The following DAB1 variants were observed in gnomAD, a reference collection of about 807,000 sequenced individuals.
The protein encoded by DAB1 is DAB adaptor protein 1, also known as disabled homolog 1.
DAB1 carries 15 observed loss-of-function variants against 64.6 expected under a neutral mutation model. The ratio of observed to expected loss-of-function variants is 0.23; its 90% confidence interval spans 0.16 to 0.36. The LOEUF is 0.36. DAB1 is among the 10% of genes least tolerant of loss of function. The probability of loss-of-function intolerance (pLI) is 1.00; values close to 1 mark genes in which losing one functional copy is unlikely to be tolerated. For synonymous variants in DAB1, 235 were observed against 251.9 expected, an observed-to-expected ratio of 0.93 and a Z score of 0.64; for missense variants, 596 against 706.7, an observed-to-expected ratio of 0.84 and a Z score of 1.78.
chr1:58,341,814 T>G (rs1033928250), intron 4 of DAB1, among the ~76,000 whole-genome samples: 6 of 152,188 alleles, frequency 3.9e-5, no homozygotes, highest in African/African-American at 1.4e-4. Flanking sequence ...TCTAAGGTGA[T>G]GCGGGCAGAT....
At chr1:58,056,479 A>G in intron 5 of DAB1, 2 of 1,402,906 alleles carry the variant, frequency 1.4e-6, no homozygotes, top group Non-Finnish European at 2.0e-6. Context: ...TTTCTTTGTC[A>G]TCTTGGAGGC....
intron 3 of DAB1, among the ~76,000 whole-genome samples, chr1:57,140,704 G>C (rs1658514133): frequency 6.6e-6 from 1 of 152,164 alleles, no homozygotes; most frequent in Non-Finnish European, 1.5e-5. Flanking sequence ...AGTATGCAGG[G>C]AGGGCTCAGT....
chr1:57,528,503 A>C (rs1644619769), intron 7 of DAB1, among the ~76,000 whole-genome samples: 1 of 151,990 alleles, frequency 6.6e-6, no homozygotes, highest in Non-Finnish European at 1.5e-5. Flanking sequence ...CATTTTCCAA[A>C]TTTGATTTTT....
intron 3 of DAB1, among the ~76,000 whole-genome samples, chr1:58,363,893 T>C (rs1044249050): frequency 1.3e-5 from 2 of 152,222 alleles, no homozygotes; most frequent in Non-Finnish European, 2.9e-5. Context: ...GGAAAGACCC[T>C]GGGGCTTTCC....
intron 5 of DAB1, among the ~76,000 whole-genome samples, chr1:58,112,876 G>A (rs1652059322): frequency 6.6e-6 from 1 of 152,156 alleles, no homozygotes; most frequent in Non-Finnish European, 1.5e-5. Flanking sequence ...CCTCTGGAAG[G>A]CTGTGGGGAC....
chr1:57,439,425 CTTTT>C (rs71051230), intron 7 of DAB1, among the ~76,000 whole-genome samples: 1 of 97,982 alleles, frequency 1.0e-5, no homozygotes, highest in Non-Finnish European at 1.9e-5. Flanking sequence ...GAGGTTTTTT[CTTTT>C]TTTTTTTTTT....
Position 58,180,281 on chromosome 1 carries a change from C to CTTTTTTTTTTTTTTTTTTTTTT in DAB1, n.310-29715_310-29694dup, listed in dbSNP as rs869204611. Among the ~76,000 whole-genome samples, 74 of 61,032 alleles carry CTTTTTTTTTTTTTTTTTTTTTT rather than the reference C, an allele frequency of 1.2e-3. 10 individuals are homozygous for CTTTTTTTTTTTTTTTTTTTTTT. Among genetic ancestry groups the CTTTTTTTTTTTTTTTTTTTTTT allele is most frequent in the East Asian group, 5.3e-3 (10 of 1,892 alleles). The allele number at this position is 61,032 out of a possible 152,430, so 40.0% of individuals were successfully genotyped here. Reference sequence around the variant, plus strand: ...CTTTCTTTTTTCTTTTTTTTCTTTTCTTTTTTTTTTTTTTTTTTTTTTTTT... The same window carrying CTTTTTTTTTTTTTTTTTTTTTT: ...CTTTCTTTTTTCTTTTTTTTCTTTTCTTTTTTTTTTTTTTTTTTTTTTTTTTTTTTTTTTTTTTTTTTTTTTT... On this transcript the variant is annotated intron_variant and non_coding_transcript_variant, in intron 4 of 20. Coordinates refer to the DAB1 transcript ENST00000485760.
intron 4 of DAB1, among the ~76,000 whole-genome samples, chr1:58,150,767 C>T (rs1654881498): frequency 6.6e-6 from 1 of 151,838 alleles, no homozygotes; most frequent in Non-Finnish European, 1.5e-5. Flanking sequence ...TATACATGTG[C>T]CATGTTGGTG....
chr1:58,400,265 T>C (rs900414475), intron 3 of DAB1, among the ~76,000 whole-genome samples: 3 of 151,728 alleles, frequency 2.0e-5, no homozygotes. Context: ...TGAGTTTACA[T>C]CTCCTCTGTG....
At chr1:57,473,841 C>A (rs569123782) in intron 7 of DAB1, among the ~76,000 whole-genome samples, 12 of 152,134 alleles carry the variant, frequency 7.9e-5, no homozygotes, top group Non-Finnish European at 1.2e-4. Context: ...CTACTCATTT[C>A]TATATATTTT....
intron 7 of DAB1, among the ~76,000 whole-genome samples, chr1:57,515,405 T>C (rs1644452215): frequency 6.6e-6 from 1 of 152,216 alleles, no homozygotes; most frequent in Non-Finnish European, 1.5e-5. Flanking sequence ...GAACCAAGAA[T>C]ACAGTTGGTG....
chr1:57,787,337 T>C (rs1370714238), intron 6 of DAB1, among the ~76,000 whole-genome samples: 5 of 152,064 alleles, frequency 3.3e-5, no homozygotes, highest in Non-Finnish European at 7.4e-5. Context: ...AATACATAAA[T>C]GGAACAGAAC....
chr1:58,081,575 T>A lies in DAB1; in HGVS notation n.387+68936A>T, dbSNP rs561540402. On this transcript the variant is annotated intron_variant and non_coding_transcript_variant, in intron 5 of 20. Transcript: ENST00000485760. ...TTCACAACTTCTTAGAAAGAACTGG[T>A]TACATAGTATCCCCAACCACTGTGG... Among the ~76,000 whole-genome samples the A allele has an allele frequency of 5.9e-5, 9 of 152,334 alleles. No homozygotes were observed. The East Asian group carries it at 9.6e-4, about 16-fold the overall frequency.
intron 7 of DAB1, among the ~76,000 whole-genome samples, chr1:57,466,674 G>C (rs981995605): frequency 6.6e-6 from 1 of 152,168 alleles, no homozygotes; most frequent in Non-Finnish European, 1.5e-5. Context: ...TGACGGGGCT[G>C]GGCTCTTAAC....
intron 1 of DAB1, among the ~76,000 whole-genome samples, chr1:57,854,978 A>G (rs1302657080): frequency 6.6e-6 from 1 of 152,208 alleles, no homozygotes; most frequent in African/African-American, 2.4e-5. Flanking sequence ...GGTTTTCCGT[A>G]GTTTTTCTTT....
At chr1:57,465,965 T>A (rs2101192424) in intron 7 of DAB1, among the ~76,000 whole-genome samples, 1 of 152,356 alleles carries the variant, frequency 6.6e-6, no homozygotes. Flanking sequence ...CATGATGCAC[T>A]AAGTTCTGTT....
At chr1:58,288,563 A>G (rs1270529798) in intron 4 of DAB1, among the ~76,000 whole-genome samples, 1 of 152,212 alleles carries the variant, frequency 6.6e-6, no homozygotes, top group Non-Finnish European at 1.5e-5. Flanking sequence ...TCTCCCAGCC[A>G]TATGTACACA....
rs532928238 is a variant in DAB1, at chr1:58,432,021, G to C, written n.257+74039C>G. 2.0e-5 allele frequency among the ~76,000 whole-genome samples: 3 copies of C among 152,298 alleles called. No individual in the cohort carries two copies. In the South Asian group the frequency reaches 6.2e-4, roughly 32 times the overall value. On this transcript the variant is annotated intron_variant and non_coding_transcript_variant, in intron 3 of 20. Transcript: ENST00000485760. ...TCAGAAGCTCTGGAGCGATGGGTTT[G>C]GAACAAATGTGGAAGGGCCTGGACT... is the stretch of plus-strand genomic sequence containing the variant.
At chr1:57,631,916 G>T (rs1645994718) in intron 7 of DAB1, among the ~76,000 whole-genome samples, 1 of 152,164 alleles carries the variant, frequency 6.6e-6, no homozygotes, top group African/African-American at 2.4e-5. Context: ...CAGGACACAG[G>T]ACCCTCTGAT....
Sources: gnomAD v4.1 joint callset for allele counts (sites outside exome capture counted in the v4.1 genomes callset) on GRCh38, gnomAD v4.1.1 for gene constraint, MANE v1.5 for transcripts, NCBI Gene and HGNC (gene_info 2026-07-23, HGNC 2026-07-21) for gene names.